Variants in GPC6 observed in about 807,000 individuals in gnomAD.
The protein encoded by GPC6 is glypican 6, also known as glypican-6.
A neutral mutation model predicts 55.2 loss-of-function variants in GPC6; 14 were observed. The observed-to-expected ratio is 0.25, with a 90% CI of 0.17 to 0.40. GPC6 has a LOEUF of 0.40. GPC6 is among the 10% of genes least tolerant of loss of function. The probability of loss-of-function intolerance (pLI) is 1.00; values close to 1 mark genes in which losing one functional copy is unlikely to be tolerated. For synonymous variants in GPC6, 278 were observed against 259.6 expected, an observed-to-expected ratio of 1.07 and a Z score of -0.68; for missense variants, 641 against 708.5, an observed-to-expected ratio of 0.90 and a Z score of 1.08.
intron 3 of GPC6, among the ~76,000 whole-genome samples, chr13:94,024,733 A>C (rs1882828425): frequency 6.6e-6 from 1 of 152,232 alleles, no homozygotes; most frequent in Admixed American, 6.5e-5. Flanking sequence ...CTGAGAAAAT[A>C]GTACTGGTTC....
At chr13:94,113,904 C>G (rs1415031168) in intron 4 of GPC6, among the ~76,000 whole-genome samples, 1 of 151,096 alleles carries the variant, frequency 6.6e-6, no homozygotes, top group Non-Finnish European at 1.5e-5. Flanking sequence ...TGTCTGTAGT[C>G]CCAGCTACTT....
intron 2 of GPC6, among the ~76,000 whole-genome samples, chr13:93,823,045 A>C (rs147645860): frequency 0.034 from 5,112 of 151,232 alleles, 267 homozygotes; most frequent in East Asian, 0.17. Context: ...TTGTATTTTT[A>C]GTAGAGACAG....
At chr13:94,112,279 C>A (rs1467219528) in intron 4 of GPC6, among the ~76,000 whole-genome samples, 2 of 152,096 alleles carry the variant, frequency 1.3e-5, no homozygotes, top group Admixed American at 1.3e-4. Flanking sequence ...AGAGGGCTAC[C>A]AATTCACAAA....
chr13:93,576,521 T>A (rs886976792), intron 2 of GPC6, among the ~76,000 whole-genome samples: 9 of 152,146 alleles, frequency 5.9e-5, no homozygotes, highest in Non-Finnish European at 5.9e-5. Flanking sequence ...ACAGGTTTTT[T>A]AATATTTTTA....
intron 3 of GPC6, among the ~76,000 whole-genome samples, chr13:93,912,114 A>G (rs905482003): frequency 6.6e-6 from 1 of 152,202 alleles, no homozygotes; most frequent in Non-Finnish European, 1.5e-5. Flanking sequence ...AATGGGATCC[A>G]TTCTTAGGCT....
intron 7 of GPC6, among the ~76,000 whole-genome samples, chr13:94,388,108 T>C (rs558392319): frequency 2.0e-5 from 3 of 152,306 alleles, no homozygotes; most frequent in East Asian, 3.9e-4. Context: ...AACACACTTA[T>C]ACTAAAAAAA....
rs915468821 is a variant in GPC6 at position 93,746,802 on chromosome 13, A to G, written c.320-83352A>G. On this transcript the variant is annotated intron_variant, in intron 2 of 8. Transcript: ENST00000377047. Reference sequence around the variant, plus strand: ...GGGTTCAAAGCCTACTCTTGACACCAAATGTTTGTACAAGCTGTTAAAGTG... The same window carrying G: ...GGGTTCAAAGCCTACTCTTGACACCGAATGTTTGTACAAGCTGTTAAAGTG... 6.8e-4 allele frequency among the ~76,000 whole-genome samples: 103 copies of G among 152,162 alleles called. 3 individuals carry two copies. The highest frequency in any genetic ancestry group is 3.3e-4 in the Admixed American group (5 of 15,270).
chr13:94,019,360 A>G (rs1223728022), intron 3 of GPC6, among the ~76,000 whole-genome samples: 2 of 152,176 alleles, frequency 1.3e-5, no homozygotes, highest in Admixed American at 1.3e-4. Flanking sequence ...TATTACCACA[A>G]ACTGAGTGGC....
intron 2 of GPC6, among the ~76,000 whole-genome samples, chr13:93,591,561 A>T (rs1201159854): frequency 1.3e-5 from 2 of 151,766 alleles, no homozygotes; most frequent in African/African-American, 4.8e-5. Flanking sequence ...CTATAGTCTG[A>T]TGATTTTATA....
At chr13:93,453,993 C>T (rs1256349935) in intron 1 of GPC6, among the ~76,000 whole-genome samples, 5 of 152,046 alleles carry the variant, frequency 3.3e-5, no homozygotes, top group South Asian at 2.1e-4. Flanking sequence ...TTTGACAGGG[C>T]GCTGATTGGT....
chr13:93,626,670 C>G (rs1431569251), intron 2 of GPC6, among the ~76,000 whole-genome samples: 1 of 152,006 alleles, frequency 6.6e-6, no homozygotes, highest in East Asian at 1.9e-4. Context: ...GGCATAGTGG[C>G]ACACGCCTAT....
chr13:93,777,191 CGGTTGAAACA>C (rs2138901370), intron 2 of GPC6, among the ~76,000 whole-genome samples: 1 of 152,268 alleles, frequency 6.6e-6, no homozygotes, highest in Non-Finnish European at 1.5e-5. Flanking sequence ...TCTCACACAG[CGGTTGAAACA>C]GGCGATCAAG....
At chr13:94,202,252 AT>A (rs1239308975) in intron 4 of GPC6, among the ~76,000 whole-genome samples, 1 of 152,216 alleles carries the variant, frequency 6.6e-6, no homozygotes, top group Non-Finnish European at 1.5e-5. Context: ...TCATATTGAT[AT>A]ATTTCACTAA....
chr13:93,325,003 G>A (rs188751085), intron 1 of GPC6, among the ~76,000 whole-genome samples: 80 of 151,876 alleles, frequency 5.3e-4, no homozygotes, highest in African/African-American at 1.7e-3. Context: ...TGGAAAAAAC[G>A]AAAAAAGGAA....
intron 4 of GPC6, among the ~76,000 whole-genome samples, chr13:94,171,621 G>T (rs1888571027): frequency 6.6e-6 from 1 of 152,170 alleles, no homozygotes. Flanking sequence ...AGAGATGCCT[G>T]AATTGTAAAA....
chr13:94,040,824 T>A (rs548987573), intron 4 of GPC6, among the ~76,000 whole-genome samples: 1 of 152,004 alleles, frequency 6.6e-6, no homozygotes, highest in East Asian at 1.9e-4. Context: ...CCATGCAATA[T>A]TAAAAAAATT....
At chr13:94,062,999 C>T (rs1011356853) in intron 4 of GPC6, among the ~76,000 whole-genome samples, 6 of 152,110 alleles carry the variant, frequency 3.9e-5, no homozygotes, top group African/African-American at 7.2e-5. Context: ...CCGCTAGGCA[C>T]GGGGTCAGGT....
chr13:93,353,069 T>G (rs557038581), intron 1 of GPC6, among the ~76,000 whole-genome samples: 1 of 152,302 alleles, frequency 6.6e-6, no homozygotes, highest in East Asian at 1.9e-4. Flanking sequence ...CATGTACTTC[T>G]TTACATTATG....
At chr13:93,890,546 G>C (rs556231585) in intron 3 of GPC6, among the ~76,000 whole-genome samples, 2 of 151,978 alleles carry the variant, frequency 1.3e-5, no homozygotes, top group Middle Eastern at 3.2e-3. Flanking sequence ...TCATGGGATA[G>C]TTTTTAGATG....
Sources: gnomAD v4.1 joint callset for allele counts (sites outside exome capture counted in the v4.1 genomes callset) on GRCh38, gnomAD v4.1.1 for gene constraint, MANE v1.5 for transcripts, NCBI Gene and HGNC (gene_info 2026-07-23, HGNC 2026-07-21) for gene names.